TACC2: variants seen among roughly 807,000 people sequenced by gnomAD.
TACC2 encodes transforming acidic coiled-coil-containing protein 2.
A neutral mutation model predicts 227.3 loss-of-function variants in TACC2; 137 were observed. That is an observed-to-expected ratio of 0.60 (90% CI 0.52 to 0.69). TACC2 has a LOEUF of 0.69. TACC2 is among the 30% of genes least tolerant of loss of function. The pLI, the probability that TACC2 is intolerant of heterozygous loss-of-function variation, is 0.00. For missense variants in TACC2, 3,470 were observed against 3,694.4 expected, an observed-to-expected ratio of 0.94 and a Z score of 1.57; for synonymous variants, 1,523 against 1,487.5, an observed-to-expected ratio of 1.02 and a Z score of -0.55.
intron 7 of TACC2, among the ~76,000 whole-genome samples, chr10:122,173,475 G>A (rs2093573553): frequency 6.6e-6 from 1 of 152,252 alleles, no homozygotes; most frequent in Non-Finnish European, 1.5e-5. Flanking sequence ...GGGAGGCTGT[G>A]GGAGGCAACC....
In TACC2 at chr10:122,226,463, C is replaced by G. The variant is rs1350887064; in HGVS notation, c.7706C>G (p.Ser2569Cys). 2.5e-6 allele frequency: 4 copies of G among 1,613,286 alleles called. No individual in the cohort carries two copies. The Admixed American group carries it at 6.7e-5, about 27-fold the overall frequency. Residue 2569 changes from serine to cysteine, a missense_variant, in exon 13 of 23, where the codon TCC (serine) becomes TGC (cysteine). Ser to Cys is a moderately radical substitution (Grantham distance 112). This residue lies in a region of TACC2 where 345 missense variants were observed against 354.4 expected (regional missense o/e 0.97). Coordinates refer to ENST00000369005, the MANE Select transcript of TACC2 (RefSeq NM_206862.4). ...TCATCTCCCGTCCGCATGTCAGAGT[C>G]CCCGACGCCGTGTTCAGGGTATGAC... ...VKSSPVRMSESPTPCSGSSFE... is the reference protein window; with the variant it reads ...VKSSPVRMSECPTPCSGSSFE...
chr10:122,001,065 C>T (rs1276985433), intron 1 of TACC2, among the ~76,000 whole-genome samples: 2 of 152,224 alleles, frequency 1.3e-5, no homozygotes, highest in South Asian at 2.1e-4. Flanking sequence ...TCTGGTCATC[C>T]ACCTGCCGTG....
At chr10:122,186,868 GA>G (rs1277302475) in intron 7 of TACC2, among the ~76,000 whole-genome samples, 1 of 152,200 alleles carries the variant, frequency 6.6e-6, no homozygotes, top group Non-Finnish European at 1.5e-5. Context: ...GCTACAAAGA[GA>G]TTTTGGGGAG....
chr10:122,020,401 G>A (rs1253074685), intron 1 of TACC2, among the ~76,000 whole-genome samples: 3 of 152,072 alleles, frequency 2.0e-5, no homozygotes, highest in Non-Finnish European at 4.4e-5. Context: ...GGTTAGGAGT[G>A]AAAGAATTGA....
intron 2 of TACC2, among the ~76,000 whole-genome samples, chr10:122,047,744 A>G (rs1191925220): frequency 1.3e-5 from 2 of 152,210 alleles, no homozygotes; most frequent in Non-Finnish European, 2.9e-5. Flanking sequence ...AGTTGTGCAA[A>G]TTCAATGACA....
At chr10:122,213,268 C>T in intron 9 of TACC2, 1 of 1,491,088 alleles carries the variant, frequency 6.7e-7, no homozygotes, top group Non-Finnish European at 9.3e-7. Flanking sequence ...CATTAATAAC[C>T]AGTTGTCTGC....
chr10:122,099,654 C>G (rs182981015), intron 5 of TACC2, among the ~76,000 whole-genome samples: 17 of 152,318 alleles, frequency 1.1e-4, no homozygotes, highest in Non-Finnish European at 2.2e-4. Context: ...TTTCGGCAAC[C>G]CTCCTGCAAA....
chr10:122,013,311 G>C (rs537291408), intron 1 of TACC2, among the ~76,000 whole-genome samples: 75 of 152,218 alleles, frequency 4.9e-4, no homozygotes, highest in Admixed American at 5.2e-4. Context: ...CCACAGAGCA[G>C]CCAGGTGCTT....
At chr10:122,153,846 G>A (rs997449140) in intron 7 of TACC2, among the ~76,000 whole-genome samples, 1 of 152,200 alleles carries the variant, frequency 6.6e-6, no homozygotes, top group Non-Finnish European at 1.5e-5. Context: ...AATGTCCCTT[G>A]CTTTCTATTC....
chr10:122,085,584 G>A lies in TACC2; in HGVS notation c.3084G>A (p.Trp1028Ter). ...SEAADGCSPL[W>*]GLSKREMASG... Reference sequence around the variant, plus strand: ...CAGCTGATGGTTGTTCCCCACTCTGGGGCTTGAGTAAGAGGGAGATGGCAA... The same window carrying A: ...CAGCTGATGGTTGTTCCCCACTCTGAGGCTTGAGTAAGAGGGAGATGGCAA... Residue 1028 changes from tryptophan (W) to a stop codon, truncating the protein, a stop_gained, in exon 4 of 23, where the codon TGG (tryptophan) becomes TGA (stop). Coordinates refer to ENST00000369005, the MANE Select transcript of TACC2 (RefSeq NM_206862.4). LOFTEE classifies it high-confidence loss of function. The A allele has an allele frequency of 6.2e-7, 1 of 1,613,294 alleles. No individual in the cohort carries two copies.
chr10:122,098,693 AT>A (rs1215912873), intron 5 of TACC2, among the ~76,000 whole-genome samples: 1 of 152,244 alleles, frequency 6.6e-6, no homozygotes, highest in Non-Finnish European at 1.5e-5. Flanking sequence ...TGCTACTATC[AT>A]TAATATTACC....
intron 8 of TACC2, among the ~76,000 whole-genome samples, chr10:122,199,247 C>T (rs762327763): frequency 7.2e-5 from 11 of 152,256 alleles, no homozygotes; most frequent in Non-Finnish European, 1.0e-4. Context: ...TCACAGCCAC[C>T]AGATCCAAGC....
intron 7 of TACC2, among the ~76,000 whole-genome samples, chr10:122,166,147 G>GAT (rs2093150165): frequency 1.3e-5 from 2 of 152,180 alleles, no homozygotes; most frequent in African/African-American, 2.4e-5. Flanking sequence ...CGCACCTGCC[G>GAT]CGGGGGACAG....
intron 16 of TACC2, among the ~76,000 whole-genome samples, chr10:122,233,670 C>T (rs1003223005): frequency 8.5e-5 from 13 of 152,270 alleles, no homozygotes; most frequent in East Asian, 7.7e-4. Flanking sequence ...AGGAGGGAGA[C>T]GTGATGCCCA....
At chr10:122,186,917 C>T (rs745673205) in intron 7 of TACC2, among the ~76,000 whole-genome samples, 9 of 152,096 alleles carry the variant, frequency 5.9e-5, no homozygotes, top group South Asian at 2.1e-4. Flanking sequence ...AAGGGTGGTC[C>T]GAGGCTCTTT....
At chr10:122,064,137 G>A (rs2077141138) in intron 3 of TACC2, among the ~76,000 whole-genome samples, 2 of 152,070 alleles carry the variant, frequency 1.3e-5, no homozygotes, top group South Asian at 4.1e-4. Flanking sequence ...ACTCCAGCTT[G>A]GGTGACAGAG....
intron 1 of TACC2, among the ~76,000 whole-genome samples, chr10:122,003,307 T>A (rs1954652506): frequency 6.6e-6 from 1 of 152,228 alleles, no homozygotes; most frequent in South Asian, 2.1e-4. Flanking sequence ...TTTTCTTCTT[T>A]GTGCTTTTCT....
Position 122,173,565 on chromosome 10 carries a change from G to A in TACC2, c.5835-21475G>A, listed in dbSNP as rs1244944714. 3.3e-5 allele frequency among the ~76,000 whole-genome samples: 5 copies of A among 152,372 alleles called. No individual in the cohort carries two copies. In the South Asian group the frequency reaches 6.2e-4, roughly 19 times the overall value. On this transcript the variant is annotated intron_variant, in intron 7 of 22. Coordinates refer to ENST00000369005, the MANE Select transcript of TACC2 (RefSeq NM_206862.4). ...GGGCACAGCCTAAGAGAAGTGACAC[G>A]AGACACAGAAGAGGCAAGAGGCTGG...
Position 122,084,212 on chromosome 10 carries a change from C to A in TACC2, c.1712C>A (p.Ser571Ter), listed in dbSNP as rs868623666. Reference protein sequence around the residue: ...SPAVAKEGSRSPGDSPGGKEE... With the variant: ...SPAVAKEGSR ...GCCGTGGCTAAAGAAGGAAGCAGATCACCTGGTGACAGCCCTGGAGGAAAG... is the reference window on the plus strand; with the variant it reads ...GCCGTGGCTAAAGAAGGAAGCAGATAACCTGGTGACAGCCCTGGAGGAAAG... Residue 571 changes from serine to a stop codon, truncating the protein, a stop_gained, in exon 4 of 23, where the codon TCA becomes TAA. Coordinates refer to ENST00000369005, the MANE Select transcript of TACC2 (RefSeq NM_206862.4). LOFTEE classifies it high-confidence loss of function. 4 of 1,614,098 alleles carry A rather than the reference C, an allele frequency of 2.5e-6. No homozygotes were observed. Among genetic ancestry groups the A allele is most frequent in the Non-Finnish European group, 3.4e-6 (4 of 1,180,042 alleles).
Sources: allele counts gnomAD v4.1 joint callset (sites outside exome capture counted in the v4.1 genomes callset), GRCh38; gene constraint gnomAD v4.1.1; regional missense constraint gnomAD v4.1.1; transcripts MANE v1.5; gene names NCBI Gene and HGNC (gene_info 2026-07-23, HGNC 2026-07-21).